LSAMP: variants seen among roughly 807,000 people sequenced by gnomAD.
LSAMP encodes the protein limbic system-associated membrane protein.
In LSAMP, 7 loss-of-function variants were observed where a neutral mutation model predicts 38.6. The ratio of observed to expected loss-of-function variants is 0.18; its 90% CI spans 0.10 to 0.34. LSAMP has a LOEUF of 0.34. LSAMP is among the 10% of genes least tolerant of loss of function. LSAMP has a pLI of 1.00. For synonymous variants in LSAMP, 154 were observed against 166.8 expected, an observed-to-expected ratio of 0.92 and a Z score of 0.59; for missense variants, 313 against 420.0, an observed-to-expected ratio of 0.75 and a Z score of 2.23.
chr3:116,185,030 C>CTTTTTTTTTTTTTTTTTT (rs368314567), intron 1 of LSAMP, among the ~76,000 whole-genome samples: 76 of 117,674 alleles, frequency 6.5e-4, no homozygotes, highest in Non-Finnish European at 8.8e-4. Flanking sequence ...TTCTTTCTTT[C>CTTTTTTTTTTTTTTTTTT]TTTTTTTTTT....
In LSAMP at chr3:116,325,443, A is replaced by G. The variant is rs868558753; in HGVS notation, c.155+119434T>C. Among the ~76,000 whole-genome samples the G allele has an allele frequency of 3.3e-5, 5 of 152,264 alleles. No individual in the cohort carries two copies. In the South Asian group the frequency reaches 1.0e-3, roughly 32 times the overall value. On this transcript the variant is annotated intron_variant, in intron 1 of 6. Coordinates refer to ENST00000490035, the MANE Select transcript of LSAMP (RefSeq NM_002338.5). Reference sequence around the variant, plus strand: ...ATGATTGTAAAGTAAATGACAAGGTAAGGAGAGACAGTCACATATTTGTCT... The same window carrying G: ...ATGATTGTAAAGTAAATGACAAGGTGAGGAGAGACAGTCACATATTTGTCT...
intron 3 of LSAMP, among the ~76,000 whole-genome samples, chr3:115,906,104 C>T (rs1340989874): frequency 6.6e-6 from 1 of 152,090 alleles, no homozygotes; most frequent in African/African-American, 2.4e-5. Flanking sequence ...CAGGCTTTTG[C>T]CAATGTCAAA....
intron 3 of LSAMP, among the ~76,000 whole-genome samples, chr3:115,954,527 C>T (rs970954440): frequency 6.6e-6 from 1 of 152,304 alleles, no homozygotes; most frequent in South Asian, 2.1e-4. Context: ...AGAAAAAGTA[C>T]AAAAGTCTGA....
At chr3:115,862,787 T>C (rs1935744798) in intron 3 of LSAMP, among the ~76,000 whole-genome samples, 1 of 152,206 alleles carries the variant, frequency 6.6e-6, no homozygotes, top group Admixed American at 6.5e-5. Context: ...CATTCTAGGT[T>C]GCAGGCCTCT....
At chr3:116,118,587 G>A (rs1211774976) in intron 1 of LSAMP, among the ~76,000 whole-genome samples, 1 of 152,162 alleles carries the variant, frequency 6.6e-6, no homozygotes, top group Non-Finnish European at 1.5e-5. Context: ...GTGAGAGGGA[G>A]CAAAATTGGA....
At chr3:115,887,329 TG>T (rs1446028855) in intron 3 of LSAMP, among the ~76,000 whole-genome samples, 1 of 151,918 alleles carries the variant, frequency 6.6e-6, no homozygotes, top group Non-Finnish European at 1.5e-5. Flanking sequence ...TTTATGCATA[TG>T]TAAGAACAGC....
chr3:116,375,626 G>A (rs1035311198), intron 1 of LSAMP, among the ~76,000 whole-genome samples: 7 of 151,362 alleles, frequency 4.6e-5, no homozygotes, highest in African/African-American at 1.7e-4. Context: ...AAGTATTTTT[G>A]TTGTTTATAG....
chr3:116,076,320 C>A (rs185478313), intron 2 of LSAMP, among the ~76,000 whole-genome samples: 9 of 151,954 alleles, frequency 5.9e-5, no homozygotes, highest in African/African-American at 2.2e-4. Flanking sequence ...TGCAGTGGCG[C>A]GGTCTTGGCT....
At chr3:116,275,913 G>C (rs1220403328) in intron 1 of LSAMP, among the ~76,000 whole-genome samples, 4 of 152,208 alleles carry the variant, frequency 2.6e-5, no homozygotes, top group African/African-American at 9.6e-5. Context: ...GGGGAAGATA[G>C]AATGGGTGAA....
At chr3:116,140,680 C>A (rs1291964799) in intron 1 of LSAMP, among the ~76,000 whole-genome samples, 1 of 151,808 alleles carries the variant, frequency 6.6e-6, no homozygotes, top group African/African-American at 2.4e-5. Flanking sequence ...TATTTTAAGG[C>A]AATAGGTAGT....
intron 3 of LSAMP, among the ~76,000 whole-genome samples, chr3:115,972,708 G>A (rs1315530087): frequency 1.3e-5 from 2 of 151,258 alleles, no homozygotes; most frequent in South Asian, 2.1e-4. Flanking sequence ...ACTGTGGAAA[G>A]CTACAAGTTA....
chr3:116,170,508 T>C lies in LSAMP; in HGVS notation c.156-83952A>G, dbSNP rs115163482. On this transcript the variant is annotated intron_variant, in intron 1 of 6. Transcript: ENST00000490035. ...GAGATTATGTTTATAATTGGGAAAA[T>C]AGACATAGTTGTGGAGAGTGTTTAA... Among the ~76,000 whole-genome samples, 244 of 152,262 alleles carry C rather than the reference T, an allele frequency of 1.6e-3. 2 individuals carry two copies. The highest frequency in any genetic ancestry group is 5.6e-3 in the African/African-American group (232 of 41,546).
chr3:116,121,463 T>G (rs1377073175), intron 1 of LSAMP, among the ~76,000 whole-genome samples: 1 of 152,210 alleles, frequency 6.6e-6, no homozygotes, highest in East Asian at 1.9e-4. Context: ...ATCATAAGCT[T>G]CTTCTGTAAT....
intron 2 of LSAMP, among the ~76,000 whole-genome samples, chr3:116,029,304 G>A (rs1009619800): frequency 1.3e-5 from 2 of 152,016 alleles, no homozygotes; most frequent in South Asian, 2.1e-4. Flanking sequence ...CTGTGGGGTC[G>A]GCATTTGAAT....
At chr3:115,936,591 A>C (rs1194289292) in intron 3 of LSAMP, among the ~76,000 whole-genome samples, 3 of 152,116 alleles carry the variant, frequency 2.0e-5, no homozygotes, top group Non-Finnish European at 4.4e-5. Flanking sequence ...ACTATTCCTG[A>C]GTTAAGGAGG....
intron 1 of LSAMP, among the ~76,000 whole-genome samples, chr3:116,412,476 G>A (rs2048993238): frequency 6.6e-6 from 1 of 151,986 alleles, no homozygotes; most frequent in African/African-American, 2.4e-5. Flanking sequence ...TATAAGAAAT[G>A]TTTTGAGAAA....
chr3:116,291,248 T>C (rs1040709211), intron 1 of LSAMP, among the ~76,000 whole-genome samples: 1 of 152,178 alleles, frequency 6.6e-6, no homozygotes, highest in Non-Finnish European at 1.5e-5. Flanking sequence ...GAAGAGAAGA[T>C]AACAGTCAGC....
At chr3:115,852,764 A>G in intron 3 of LSAMP, 147 bp from the exon 4 acceptor site, 1 of 716,662 alleles carries the variant, frequency 1.4e-6, no homozygotes. Flanking sequence ...CCACAGAAGC[A>G]GACCTCAAGA....
In LSAMP at chr3:116,228,820, T is replaced by C. The variant is rs142949682; in HGVS notation, c.156-142264A>G. On this transcript the variant is annotated intron_variant, in intron 1 of 6. Transcript: ENST00000490035. ...TTAGCATTAATCCCCTCTGTACTCA[T>C]TGAGAAACCTGGAGGCATTAGGGAA... 1.6e-4 allele frequency among the ~76,000 whole-genome samples: 24 copies of C among 152,230 alleles called. No individual in the cohort carries two copies. The East Asian group carries it at 3.7e-3, about 23-fold the overall frequency.
Sources: allele counts gnomAD v4.1 joint callset (sites outside exome capture counted in the v4.1 genomes callset), GRCh38; gene constraint gnomAD v4.1.1; transcripts MANE v1.5; gene names NCBI Gene and HGNC (gene_info 2026-07-23, HGNC 2026-07-21).